CMTM8: variants seen among roughly 807,000 people sequenced by gnomAD.
CMTM8 encodes CKLF-like MARVEL transmembrane domain-containing protein 8.
A neutral mutation model predicts 18.6 loss-of-function variants in CMTM8; 12 were observed. The ratio of observed to expected loss-of-function variants is 0.65; its 90% CI spans 0.41 to 1.05. CMTM8 has a LOEUF of 1.05. Among genes scored for constraint, CMTM8 ranks in the 50% least tolerant of loss-of-function variants. The pLI is 0.00. For synonymous variants in CMTM8, 87 were observed against 90.6 expected (o/e 0.96, Z 0.23); for missense variants, 217 against 227.2 (o/e 0.95, Z 0.29).
intron 1 of CMTM8, among the ~76,000 whole-genome samples, chr3:32,268,050 T>A (rs964652728): frequency 6.6e-6 from 1 of 152,186 alleles, no homozygotes; most frequent in African/African-American, 2.4e-5. Context: ...TCCTCAAGGA[T>A]CTAGAACTAG....
intron 1 of CMTM8, among the ~76,000 whole-genome samples, chr3:32,334,081 C>T (rs962421710): frequency 6.6e-6 from 1 of 151,666 alleles, no homozygotes; most frequent in Non-Finnish European, 1.5e-5. Flanking sequence ...AGGTTCTAAG[C>T]GATTCTCCTG....
At position 32,249,455 on chromosome 3, in the gene CMTM8, TTGAAGCAC is replaced by T. The variant is rs146148825; in HGVS notation, c.147+10339_147+10346del. 4.3e-3 allele frequency among the ~76,000 whole-genome samples: 640 copies of T among 148,872 alleles called. 5 individuals carry two copies. Among genetic ancestry groups the T allele is most frequent in the African/African-American group, 0.015 (604 of 40,234 alleles). ...AAAAAATGAAAAAAAAAAAAAAAAA[TTGAAGCAC>T]TGCTAGACTGTTTCCAAAGGGACCG... On this transcript the variant is annotated intron_variant, in intron 1 of 3. Coordinates refer to ENST00000307526, the MANE Select transcript of CMTM8 (RefSeq NM_178868.5).
At chr3:32,275,785 G>A (rs1473080321) in intron 1 of CMTM8, among the ~76,000 whole-genome samples, 2 of 151,658 alleles carry the variant, frequency 1.3e-5, no homozygotes, top group African/African-American at 4.8e-5. Flanking sequence ...GAGTAACTGG[G>A]ATTACAGGTG....
intron 1 of CMTM8, among the ~76,000 whole-genome samples, chr3:32,287,959 C>T (rs577053702): frequency 1.4e-4 from 22 of 152,112 alleles, no homozygotes; most frequent in African/African-American, 4.8e-4. Flanking sequence ...AGAGATGATC[C>T]GTTTATGGCT....
At chr3:32,337,666 A>G (rs1696412723) in intron 1 of CMTM8, among the ~76,000 whole-genome samples, 1 of 152,216 alleles carries the variant, frequency 6.6e-6, no homozygotes, top group Non-Finnish European at 1.5e-5. Context: ...CTGCTTGGGA[A>G]GACACCTTGC....
At chr3:32,267,997 G>A (rs994388827) in intron 1 of CMTM8, among the ~76,000 whole-genome samples, 4 of 152,188 alleles carry the variant, frequency 2.6e-5, no homozygotes, top group African/African-American at 9.7e-5. Flanking sequence ...CTGTTGGTGG[G>A]ACTGTAAACT....
chr3:32,260,052 A>G, intron 1 of CMTM8: 1 of 1,147,808 alleles, frequency 8.7e-7, no homozygotes, highest in Admixed American at 1.8e-5. Flanking sequence ...ATCAAGGTCA[A>G]GCTGGAGGCT....
At chr3:32,262,694 T>C (rs771741970) in intron 1 of CMTM8, among the ~76,000 whole-genome samples, 1 of 152,216 alleles carries the variant, frequency 6.6e-6, no homozygotes, top group Non-Finnish European at 1.5e-5. Context: ...TAGTAGAAGA[T>C]AAAGTGAGCA....
In CMTM8 at chr3:32,337,302, C is replaced by T. The variant is rs1696407556; in HGVS notation, c.148-20071C>T. Among the ~76,000 whole-genome samples the T allele has an allele frequency of 2.0e-5, 3 of 152,124 alleles. No homozygotes were observed. The South Asian group carries it at 6.2e-4, about 32-fold the overall frequency. On this transcript the variant is annotated intron_variant, in intron 1 of 3. Transcript: ENST00000307526. Reference sequence around the variant, plus strand: ...TGACAGAAGTAAGTAAATGTGGGAGCCAGGTTAGCATCTGACCACAGACAA... The same window carrying T: ...TGACAGAAGTAAGTAAATGTGGGAGTCAGGTTAGCATCTGACCACAGACAA...
At chr3:32,331,601 C>T (rs1575180128) in intron 1 of CMTM8, among the ~76,000 whole-genome samples, 2 of 150,220 alleles carry the variant, frequency 1.3e-5, no homozygotes, top group South Asian at 4.2e-4. Context: ...TTCATTGCAG[C>T]ATTATTCACA....
chr3:32,328,449 GTC>G (rs1696206975), intron 1 of CMTM8, among the ~76,000 whole-genome samples: 1 of 140,920 alleles, frequency 7.1e-6, no homozygotes, highest in African/African-American at 2.6e-5. Flanking sequence ...AGCTCAGGAG[GTC>G]AAGGCTCAAG....
intron 1 of CMTM8, among the ~76,000 whole-genome samples, chr3:32,356,877 G>T (rs1451842319): frequency 6.6e-6 from 1 of 152,160 alleles, no homozygotes; most frequent in Non-Finnish European, 1.5e-5. Context: ...GAGTTTCTGT[G>T]TTCTCCTGGG....
chr3:32,259,084 C>T (rs144502729), intron 1 of CMTM8: 4 of 376,776 alleles, frequency 1.1e-5, no homozygotes, highest in East Asian at 6.5e-5. Flanking sequence ...CTCTGGTTCC[C>T]GGATCACCGT....
chr3:32,285,404 A>G (rs996425469), intron 1 of CMTM8, among the ~76,000 whole-genome samples: 1 of 151,970 alleles, frequency 6.6e-6, no homozygotes, highest in African/African-American at 2.4e-5. Flanking sequence ...AATTTAAGCT[A>G]CTCAGAAGGC....
chr3:32,308,269 A>G (rs920774824), intron 1 of CMTM8, among the ~76,000 whole-genome samples: 2 of 152,238 alleles, frequency 1.3e-5, no homozygotes, highest in Non-Finnish European at 2.9e-5. Context: ...TCATGTCCAC[A>G]GTGTGAGGGA....
intron 1 of CMTM8, among the ~76,000 whole-genome samples, chr3:32,284,092 A>G (rs1702643732): frequency 6.6e-6 from 1 of 152,172 alleles, no homozygotes; most frequent in Non-Finnish European, 1.5e-5. Flanking sequence ...TCTCTACTAA[A>G]AGTACAAAAA....
intron 1 of CMTM8, among the ~76,000 whole-genome samples, chr3:32,321,286 G>A (rs556234479): frequency 6.6e-6 from 1 of 152,232 alleles, no homozygotes; most frequent in African/African-American, 2.4e-5. Flanking sequence ...TTGAAAAGCT[G>A]CTGAATGTAG....
In CMTM8 at chr3:32,358,082, C is replaced by T. The variant is rs1307823681; in HGVS notation, c.321+536C>T. ...TTGTCAGGAATGACTGGATTCTCAT[C>T]CTGGCTCTGGCACCATGCTGGATGC... is the stretch of plus-strand genomic sequence containing the variant. On this transcript the variant is annotated intron_variant, in intron 2 of 3. Coordinates refer to ENST00000307526, the MANE Select transcript of CMTM8 (RefSeq NM_178868.5). This position sits in a 1 kb window ranked among gnomAD's most constrained non-coding sequence, Gnocchi z 4.1. Among the ~76,000 whole-genome samples, 1 of 152,140 alleles carries T rather than the reference C, an allele frequency of 6.6e-6. No individual in the cohort carries two copies. Among genetic ancestry groups the T allele is most frequent in the Non-Finnish European group, 1.5e-5 (1 of 68,026 alleles).
intron 1 of CMTM8, among the ~76,000 whole-genome samples, chr3:32,348,121 C>T (rs1696636044): frequency 6.6e-6 from 1 of 152,022 alleles, no homozygotes; most frequent in African/African-American, 2.4e-5. Flanking sequence ...TATTACATAT[C>T]TGAAAAAAAT....
Sources: gnomAD v4.1 joint callset for allele counts (sites outside exome capture counted in the v4.1 genomes callset) on GRCh38, gnomAD v4.1.1 for gene constraint, Gnocchi (gnomAD v3.1) non-coding constraint, MANE v1.5 for transcripts, NCBI Gene and HGNC (gene_info 2026-07-23, HGNC 2026-07-21) for gene names.